Variants in CCBE1 observed in about 807,000 individuals in gnomAD.
The protein encoded by CCBE1 is collagen and calcium-binding EGF domain-containing protein 1.
CCBE1 carries 37 observed loss-of-function variants against 50.0 expected under a neutral mutation model. The ratio of observed to expected loss-of-function variants is 0.74; its 90% CI spans 0.57 to 0.97. CCBE1 has a LOEUF of 0.97. CCBE1 is among the 50% of genes least tolerant of loss of function. The probability of loss-of-function intolerance (pLI) is 0.00; values close to 1 mark genes in which losing one functional copy is unlikely to be tolerated. For synonymous variants in CCBE1, 234 were observed against 203.7 expected, an observed-to-expected ratio of 1.15 and a Z score of -1.27; for missense variants, 538 against 523.8, an observed-to-expected ratio of 1.03 and a Z score of -0.26.
At chr18:59,499,576 T>C (rs1315045577) in intron 2 of CCBE1, among the ~76,000 whole-genome samples, 1 of 150,742 alleles carries the variant, frequency 6.6e-6, no homozygotes, top group African/African-American at 2.4e-5. Flanking sequence ...GTAGGGAAAC[T>C]CCCCCTTATA....
chr18:59,640,305 T>C (rs1462449561), intron 2 of CCBE1, among the ~76,000 whole-genome samples: 1 of 152,090 alleles, frequency 6.6e-6, no homozygotes, highest in Non-Finnish European at 1.5e-5. Flanking sequence ...TGGAACAGAA[T>C]AGAGAGCCCT....
At chr18:59,614,210 G>A (rs958080897) in intron 2 of CCBE1, among the ~76,000 whole-genome samples, 5 of 152,070 alleles carry the variant, frequency 3.3e-5, no homozygotes, top group African/African-American at 9.7e-5. Flanking sequence ...TCACCATGCC[G>A]GCCCGGCTCA....
At chr18:59,663,723 G>A (rs1020358095) in intron 2 of CCBE1, among the ~76,000 whole-genome samples, 2 of 152,172 alleles carry the variant, frequency 1.3e-5, no homozygotes, top group African/African-American at 4.8e-5. Flanking sequence ...CAGGGCAAGA[G>A]ATAAGCTGAG....
chr18:59,447,987 AG>A lies in CCBE1; in HGVS notation c.770del (p.Pro257LeufsTer142). 2 of 1,614,122 alleles carry A rather than the reference AG, an allele frequency of 1.2e-6. No individual in the cohort carries two copies. The highest frequency in any genetic ancestry group is 2.2e-5 in the East Asian group (1 of 44,868). ...GPPGLPGGQG[P>X]PGSPGPKGSP... Reference sequence around the variant, plus strand: ...TGTGCCCTCTTCCACACTCACCGGGAGGGCCCTGGCCCCCAGGCAGGCCAGG... The same window carrying A: ...TGTGCCCTCTTCCACACTCACCGGGAGGCCCTGGCCCCCAGGCAGGCCAGG... On this transcript the variant is annotated frameshift_variant, in exon 7 of 11. Coordinates refer to ENST00000439986, the MANE Select transcript of CCBE1 (RefSeq NM_133459.4). LOFTEE classifies it high-confidence loss of function.
chr18:59,434,388 T>A lies in CCBE1; in HGVS notation c.*1520A>T, dbSNP rs572911030. On this transcript the variant is annotated 3_prime_UTR_variant, in exon 11 of 11. Transcript: ENST00000439986. ...CAAAGGTAGATAAAGAGCCACTTTG[T>A]GTGTCCAGTGAGAAAGTGGACTGTG... The A allele has an allele frequency of 6.6e-6, 1 of 152,344 alleles. No individual in the cohort carries two copies. The highest frequency in any genetic ancestry group is 1.9e-4 in the East Asian group (1 of 5,174). The allele number at this position is 152,344 out of a possible 1,614,324, so 9.4% of individuals were successfully genotyped here.
intron 2 of CCBE1, among the ~76,000 whole-genome samples, chr18:59,557,265 TCCC>T: frequency 6.6e-6 from 1 of 152,154 alleles, no homozygotes. Flanking sequence ...TCCTTGATTT[TCCC>T]CACTGTGAGT....
intron 2 of CCBE1, among the ~76,000 whole-genome samples, chr18:59,511,595 T>G (rs912840847): frequency 1.3e-5 from 2 of 152,260 alleles, no homozygotes; most frequent in Non-Finnish European, 2.9e-5. Flanking sequence ...CTTAAACATT[T>G]ATCTTTCCAC....
intron 2 of CCBE1, among the ~76,000 whole-genome samples, chr18:59,560,335 AAACT>A (rs2052716544): frequency 6.6e-6 from 1 of 152,220 alleles, no homozygotes; most frequent in Admixed American, 6.5e-5. Context: ...CATTCTCAGC[AAACT>A]AACACGGGAA....
chr18:59,437,089 G>A (rs565770993), intron 10 of CCBE1, among the ~76,000 whole-genome samples: 11 of 152,292 alleles, frequency 7.2e-5, no homozygotes, highest in South Asian at 2.1e-4. Flanking sequence ...TCAACTCCTC[G>A]TTGACTAGGA....
chr18:59,493,006 G>A (rs1198044900), intron 2 of CCBE1, among the ~76,000 whole-genome samples: 3 of 152,188 alleles, frequency 2.0e-5, no homozygotes, highest in African/African-American at 7.2e-5. Context: ...AGTGGCGCTC[G>A]GCCTTTCTGC....
intron 6 of CCBE1, among the ~76,000 whole-genome samples, chr18:59,454,049 A>C (rs1911063925): frequency 6.6e-6 from 1 of 152,202 alleles, no homozygotes; most frequent in Non-Finnish European, 1.5e-5. Flanking sequence ...GGAAACTCAG[A>C]AAGGGCATAG....
intron 2 of CCBE1, among the ~76,000 whole-genome samples, chr18:59,591,172 G>A (rs2053261546): frequency 1.6e-5 from 1 of 61,874 alleles, no homozygotes; most frequent in Non-Finnish European, 2.7e-5. Flanking sequence ...CGTGAACCCG[G>A]GGGGCGGAGC....
At position 59,623,948 on chromosome 18, in the gene CCBE1, T is replaced by C. The variant is rs148826296; in HGVS notation, c.212+72681A>G. Among the ~76,000 whole-genome samples, 262 of 152,338 alleles carry C rather than the reference T, an allele frequency of 1.7e-3. 3 individuals are homozygous for C. The highest frequency in any genetic ancestry group is 6.0e-3 in the African/African-American group (248 of 41,586). On this transcript the variant is annotated intron_variant, in intron 2 of 10. Transcript: ENST00000439986. ...AAATGAATTGTGTGGTTTTTATTAA[T>C]CATGTTCCCCGGTGCAAACACCCAA...
chr18:59,436,987 G>A (rs956200554), intron 10 of CCBE1, among the ~76,000 whole-genome samples: 1 of 152,052 alleles, frequency 6.6e-6, no homozygotes, highest in African/African-American at 2.4e-5. Context: ...AAACAATGCT[G>A]TTATTTTTTA....
chr18:59,439,921 T>C, intron 7 of CCBE1, 105 bp from the exon 8 acceptor site: 1 of 1,257,922 alleles, frequency 7.9e-7, no homozygotes, highest in Non-Finnish European at 1.1e-6. Context: ...TTGTACTCTC[T>C]CTGCCTTTGC....
At chr18:59,557,143 C>T (rs907272383) in intron 2 of CCBE1, among the ~76,000 whole-genome samples, 3 of 152,206 alleles carry the variant, frequency 2.0e-5, no homozygotes, top group African/African-American at 7.2e-5. Flanking sequence ...TGTGAAGCTC[C>T]CAGCAGAGGA....
intron 2 of CCBE1, among the ~76,000 whole-genome samples, chr18:59,678,905 A>G (rs1316880481): frequency 2.6e-5 from 4 of 152,228 alleles, no homozygotes; most frequent in African/African-American, 4.8e-5. Context: ...AAAATAGTCA[A>G]AGTAAAGGCC....
Position 59,435,657 on chromosome 18 carries a change from T to C in CCBE1, c.*251A>G, listed in dbSNP as rs1910115956. 2 of 551,510 alleles carry C rather than the reference T, an allele frequency of 3.6e-6. No individual in the cohort carries two copies. The highest frequency in any genetic ancestry group is 6.5e-6 in the Non-Finnish European group (2 of 308,748). The allele number at this position is 551,510 out of a possible 1,614,324, so 34.2% of individuals were successfully genotyped here. On this transcript the variant is annotated 3_prime_UTR_variant, in exon 11 of 11. Coordinates refer to ENST00000439986, the MANE Select transcript of CCBE1 (RefSeq NM_133459.4). ...ATAGGATGTAAAAGAAAAGTTACAATGCAAACCACCCCAATGGACTCTTAG... is the reference window on the plus strand; with the variant it reads ...ATAGGATGTAAAAGAAAAGTTACAACGCAAACCACCCCAATGGACTCTTAG...
chr18:59,614,579 A>T (rs1053956290), intron 2 of CCBE1, among the ~76,000 whole-genome samples: 1 of 152,076 alleles, frequency 6.6e-6, no homozygotes, highest in African/African-American at 2.4e-5. Context: ...TTTTCTCAAG[A>T]CCCATGCTAT....
Sources: allele counts gnomAD v4.1 joint callset (sites outside exome capture counted in the v4.1 genomes callset), GRCh38; gene constraint gnomAD v4.1.1; transcripts MANE v1.5; gene names NCBI Gene and HGNC (gene_info 2026-07-23, HGNC 2026-07-21).